RAE1: variants seen among roughly 807,000 people sequenced by gnomAD.
RAE1 encodes mRNA export factor RAE1.
A neutral mutation model predicts 52.7 loss-of-function variants in RAE1; 13 were observed. The ratio of observed to expected loss-of-function variants is 0.25; its 90% CI spans 0.16 to 0.39. The LOEUF is 0.39. Ranked by LOEUF, RAE1 falls within the 10% of genes least tolerant of loss-of-function variation. The pLI is 1.00. For synonymous variants in RAE1, 164 were observed against 153.1 expected (o/e 1.07, Z -0.52); for missense variants, 262 against 459.8 (o/e 0.57, Z 3.93).
At chr20:57,351,804 T>TC in intron 1 of RAE1, 1 of 985,452 alleles carries the variant, frequency 1.0e-6, no homozygotes, top group Non-Finnish European at 1.2e-6. Flanking sequence ...GTCAACCTGC[T>TC]CCATTTCTTT....
chr20:57,375,001 C>T (rs1568795072), intron 11 of RAE1, 200 bp downstream of exon 11: 1 of 725,254 alleles, frequency 1.4e-6, no homozygotes, highest in Non-Finnish European at 2.5e-6. Flanking sequence ...GGCCAGAACC[C>T]AGCACACAGG....
Position 57,373,717 on chromosome 20 carries a change from A to C in RAE1, c.804A>C (p.Ser268=). ...ATCGATCTAATGGAACCAACACTTCAGCTCCTCAGGACATTTATGCGGTAC... is the reference window on the plus strand; with the variant it reads ...ATCGATCTAATGGAACCAACACTTCCGCTCCTCAGGACATTTATGCGGTAC... ...KCHRSNGTNT[S]APQDIYAVNG... The change falls in exon 10 of 12, where the codon TCA becomes TCC. Residue 268 remains serine, a synonymous_variant. Coordinates refer to ENST00000395841, the MANE Select transcript of RAE1 (RefSeq NM_003610.4). 1.9e-6 allele frequency: 3 copies of C among 1,614,038 alleles called. No homozygotes were observed. Among genetic ancestry groups the C allele is most frequent in the Non-Finnish European group, 2.5e-6 (3 of 1,179,868 alleles).
rs41310034 is a variant in RAE1, at chr20:57,374,816, G to T, written c.1020+15G>T. 35,176 of 1,613,962 alleles carry T rather than the reference G, an allele frequency of 0.022. 472 individuals are homozygous for T. The highest frequency in any genetic ancestry group is 0.024 in the Non-Finnish European group (28,583 of 1,179,902). On this transcript the variant is annotated intron_variant, in intron 11 of 11. Transcript: ENST00000395841. ...ACTGGTCAAAGGTGAGAACTCCCGG[G>T]CCTGCTCTGGGTGCTCCAAGGCAGC...
intron 8 of RAE1, among the ~76,000 whole-genome samples, chr20:57,369,424 C>T (rs1040716002): frequency 5.3e-5 from 8 of 152,212 alleles, no homozygotes; most frequent in Non-Finnish European, 1.0e-4. Context: ...AGTTAATCTT[C>T]CCTAATCAGG....
chr20:57,351,866 A>G (rs2066714945), intron 1 of RAE1: 1 of 985,318 alleles, frequency 1.0e-6, no homozygotes, highest in Admixed American at 6.1e-5. Flanking sequence ...TTAGCCCGCC[A>G]AGTATTTATT....
chr20:57,364,150 A>G (rs945449518), intron 4 of RAE1, among the ~76,000 whole-genome samples: 5 of 152,232 alleles, frequency 3.3e-5, no homozygotes, highest in African/African-American at 1.2e-4. Context: ...CAAACTTGGT[A>G]AAGTTGAATC....
In RAE1 at chr20:57,374,620, C is replaced by T. The variant is rs753152734; in HGVS notation, c.839C>T (p.Ala280Val). ...PQDIYAVNGI[A>V]FHPVHGTLAT... ...CAATCCTTGCAGGTAAATGGAATCG[C>T]GTTCCATCCTGTTCATGGCACCCTT... Residue 280 changes from alanine (A) to valine (V), a missense_variant, in exon 11 of 12, where the codon GCG (alanine) becomes GTG (valine). Ala to Val is a moderately conservative substitution (Grantham distance 64). Transcript: ENST00000395841. The T allele has an allele frequency of 3.1e-6, 5 of 1,612,762 alleles. No individual in the cohort carries two copies. The highest frequency in any genetic ancestry group is 1.1e-5 in the South Asian group (1 of 90,890).
At chr20:57,376,269 A>G (rs550363435) in intron 11 of RAE1, among the ~76,000 whole-genome samples, 1 of 152,370 alleles carries the variant, frequency 6.6e-6, no homozygotes, top group Admixed American at 6.5e-5. Flanking sequence ...TTATTGAGGT[A>G]CAATTGAAAT....
At chr20:57,367,262 G>A (rs756027107) in intron 7 of RAE1, among the ~76,000 whole-genome samples, 183 bp downstream of exon 7, 2 of 152,274 alleles carry the variant, frequency 1.3e-5, no homozygotes, top group East Asian at 1.9e-4. Flanking sequence ...TTTGTGCTGC[G>A]TTTCTTTTAG....
In RAE1 at chr20:57,354,052, GAACAAC is replaced by G. The variant is rs775754937; in HGVS notation, c.15_20del (p.Thr6_Thr7del). The G allele has an allele frequency of 7.4e-6, 12 of 1,613,356 alleles. No individual in the cohort carries two copies. The highest frequency in any genetic ancestry group is 8.5e-6 in the Non-Finnish European group (10 of 1,179,652). ...TTTAGGTTCAAAATGAGCCTGTTTG[GAACAAC>G]CTCAGGTTTTGGAACCAGTGGGACC... On this transcript the variant is annotated inframe_deletion, in exon 2 of 12. Transcript: ENST00000395841.
intron 1 of RAE1, among the ~76,000 whole-genome samples, chr20:57,353,107 T>C (rs1482369319): frequency 6.6e-6 from 1 of 152,218 alleles, no homozygotes; most frequent in Non-Finnish European, 1.5e-5. Flanking sequence ...TGGCTCCCTT[T>C]GGAGAGGTGA....
chr20:57,366,577 A>T (rs752727900), intron 5 of RAE1, among the ~76,000 whole-genome samples: 30 of 152,178 alleles, frequency 2.0e-4, no homozygotes, highest in Non-Finnish European at 4.0e-4. Context: ...GACATCTCCC[A>T]CCAGGCCCCA....
chr20:57,357,054 A>G (rs375226283), intron 4 of RAE1, among the ~76,000 whole-genome samples: 52 of 152,358 alleles, frequency 3.4e-4, no homozygotes, highest in African/African-American at 1.2e-3. Flanking sequence ...AGGCAGACAC[A>G]CTGCAGTGCT....
intron 1 of RAE1, chr20:57,352,103 G>C: frequency 1.8e-6 from 1 of 541,464 alleles, no homozygotes; most frequent in South Asian, 8.1e-5. Context: ...TGTTAAAGTT[G>C]GCAAAGAAGC....
chr20:57,369,378 C>T (rs777212309), intron 8 of RAE1, among the ~76,000 whole-genome samples: 1 of 152,204 alleles, frequency 6.6e-6, no homozygotes, highest in Non-Finnish European at 1.5e-5. Flanking sequence ...GTAGCACCCT[C>T]GGAGAGAACT....
Position 57,378,063 on chromosome 20 carries a change from T to C in RAE1, c.1071T>C (p.Asn357=), listed in dbSNP as rs1279579469. 5.0e-6 allele frequency: 8 copies of C among 1,613,152 alleles called. No homozygotes were observed. The highest frequency in any genetic ancestry group is 6.8e-6 in the Non-Finnish European group (8 of 1,179,318). Residue 357 remains asparagine (N), a synonymous_variant, in exon 12 of 12, where the codon AAT becomes AAC. Transcript: ENST00000395841. ...AAAAAAATTACATTTTCCTGCGTAA[T>C]GCAGCCGAAGAGCTAAAGCCCAGGA... ...PQKKNYIFLR[N]AAEELKPRNK... is the part of the protein sequence containing the mutation.
intron 4 of RAE1, among the ~76,000 whole-genome samples, chr20:57,361,193 A>T (rs2066887038): frequency 6.6e-6 from 1 of 152,196 alleles, no homozygotes; most frequent in South Asian, 2.1e-4. Flanking sequence ...TGAGAGGGTT[A>T]TTCATAATTA....
At chr20:57,359,391 AGTAATAG>A (rs1264049449) in intron 4 of RAE1, 1 of 168,444 alleles carries the variant, frequency 5.9e-6, no homozygotes, top group East Asian at 1.6e-4. Context: ...GCTTCTATTA[AGTAATAG>A]ATTAGTCCAA....
intron 4 of RAE1, among the ~76,000 whole-genome samples, chr20:57,363,772 T>C (rs1186059908): frequency 2.0e-5 from 3 of 152,246 alleles, no homozygotes; most frequent in African/African-American, 4.8e-5. Flanking sequence ...ACCTATTGTA[T>C]GCTAAATCCT....
Sources: allele counts gnomAD v4.1 joint callset (sites outside exome capture counted in the v4.1 genomes callset), GRCh38; gene constraint gnomAD v4.1.1; transcripts MANE v1.5; gene names NCBI Gene and HGNC (gene_info 2026-07-23, HGNC 2026-07-21).